Variants in SHISA9 observed in about 807,000 individuals in gnomAD.
The protein encoded by SHISA9 is protein shisa-9.
SHISA9 carries 13 observed loss-of-function variants against 38.0 expected under a neutral mutation model. The ratio of observed to expected loss-of-function variants is 0.34; its 90% confidence interval spans 0.22 to 0.54. The LOEUF (loss-of-function observed/expected upper bound fraction) is 0.54, where lower values mean the gene tolerates loss of function less well. Ranked by LOEUF, SHISA9 falls within the 20% of genes least tolerant of loss-of-function variation. SHISA9 has a pLI of 0.91. For missense variants in SHISA9, 538 were observed against 575.8 expected, an observed-to-expected ratio of 0.93 and a Z score of 0.67; for synonymous variants, 275 against 242.0, an observed-to-expected ratio of 1.14 and a Z score of -1.27.
intron 2 of SHISA9, among the ~76,000 whole-genome samples, chr16:13,179,542 C>T (rs781261030): frequency 6.6e-6 from 1 of 152,168 alleles, no homozygotes; most frequent in South Asian, 2.1e-4. Context: ...AGGACTCACA[C>T]CTAAGAAAAT....
intron 2 of SHISA9, among the ~76,000 whole-genome samples, chr16:12,939,240 C>T (rs948585181): frequency 6.6e-6 from 1 of 152,014 alleles, no homozygotes; most frequent in Non-Finnish European, 1.5e-5. Flanking sequence ...CTCACCACCA[C>T]GCCTGGCTAA....
chr16:13,492,939 G>T, the SHISA9 span, among the ~76,000 whole-genome samples: 7 of 152,330 alleles, frequency 4.6e-5, no homozygotes, highest in African/African-American at 1.7e-4. Flanking sequence ...TCTGTGGCTA[G>T]AGAGAAGTGG....
intron 2 of SHISA9, among the ~76,000 whole-genome samples, chr16:12,989,282 A>C (rs1411548133): frequency 6.6e-6 from 1 of 151,890 alleles, no homozygotes; most frequent in East Asian, 1.9e-4. Flanking sequence ...GGTTCAAGTG[A>C]TTCTCCTGCC....
chr16:13,249,140 G>A, the SHISA9 span, among the ~76,000 whole-genome samples: 2 of 152,196 alleles, frequency 1.3e-5, no homozygotes, highest in African/African-American at 4.8e-5. Context: ...GGACATCTAG[G>A]TGAAGCACCA....
chr16:13,467,443 G>A, the SHISA9 span, among the ~76,000 whole-genome samples: 1 of 152,200 alleles, frequency 6.6e-6, no homozygotes, highest in Non-Finnish European at 1.5e-5. Flanking sequence ...TTTAGACTCA[G>A]ACTGGGGACT....
chr16:13,187,575 T>A (rs1596713410), intron 2 of SHISA9, among the ~76,000 whole-genome samples: 1 of 152,176 alleles, frequency 6.6e-6, no homozygotes, highest in East Asian at 1.9e-4. Context: ...TGTCTAGTGA[T>A]CCACCCACCC....
chr16:13,282,378 A>G, the SHISA9 span, among the ~76,000 whole-genome samples: 3 of 151,788 alleles, frequency 2.0e-5, no homozygotes, highest in Non-Finnish European at 4.4e-5. Flanking sequence ...TATTTTTTAC[A>G]TTTGTTCTCT....
chr16:13,114,327 G>T (rs1174203908), intron 2 of SHISA9, among the ~76,000 whole-genome samples: 7 of 151,798 alleles, frequency 4.6e-5, no homozygotes, highest in Non-Finnish European at 1.0e-4. Flanking sequence ...TTAGCTGGGT[G>T]TGGTGGCGGG....
rs971601129 is a variant in SHISA9, at chr16:13,072,665, C to T, written c.692-130729C>T. Among the ~76,000 whole-genome samples the T allele has an allele frequency of 6.9e-4, 100 of 145,836 alleles. 1 individual carries two copies. In the East Asian group the frequency reaches 0.017, roughly 24 times the overall value. On this transcript the variant is annotated intron_variant, in intron 2 of 4. Transcript: ENST00000558583. ...TTATTTTATTTTAAAAAAGTAAAAT[C>T]TTTTTTTTTTTTTGAGACGGAGTCT...
At chr16:13,479,930 G>A in the SHISA9 span, among the ~76,000 whole-genome samples, 3 of 152,202 alleles carry the variant, frequency 2.0e-5, no homozygotes, top group South Asian at 2.1e-4. Context: ...GTTAAGACAA[G>A]ATGGCTTAGG....
At chr16:13,484,908 G>C in the SHISA9 span, among the ~76,000 whole-genome samples, 2 of 152,140 alleles carry the variant, frequency 1.3e-5, no homozygotes, top group African/African-American at 2.4e-5. Flanking sequence ...CTCCAACACT[G>C]GGGCCTATAA....
chr16:13,485,843 A>G, the SHISA9 span, among the ~76,000 whole-genome samples: 2 of 152,214 alleles, frequency 1.3e-5, no homozygotes, highest in East Asian at 1.9e-4. Flanking sequence ...CTCTATCTCT[A>G]TGAGATCCAC....
the SHISA9 span, among the ~76,000 whole-genome samples, chr16:13,524,359 C>A: frequency 6.6e-6 from 1 of 152,156 alleles, no homozygotes; most frequent in African/African-American, 2.4e-5. Context: ...AAGATGTTTG[C>A]CCACTGGCCA....
chr16:13,167,065 CTTT>C (rs1029913159), intron 2 of SHISA9, among the ~76,000 whole-genome samples: 1 of 142,662 alleles, frequency 7.0e-6, no homozygotes, highest in South Asian at 2.2e-4. Context: ...CTCTCTCTCT[CTTT>C]TTTCTTTTTT....
At chr16:13,558,693 A>T in the SHISA9 span, among the ~76,000 whole-genome samples, 4 of 152,212 alleles carry the variant, frequency 2.6e-5, no homozygotes, top group Admixed American at 1.3e-4. Context: ...GCACTTCCAC[A>T]CTTTATTTGG....
chr16:13,454,606 C>CA, the SHISA9 span, among the ~76,000 whole-genome samples: 4 of 152,128 alleles, frequency 2.6e-5, no homozygotes, highest in African/African-American at 9.7e-5. Context: ...CAGATAGTGA[C>CA]AAAATGGCGA....
chr16:13,248,188 G>A, the SHISA9 span, among the ~76,000 whole-genome samples: 4 of 152,140 alleles, frequency 2.6e-5, no homozygotes, highest in African/African-American at 4.8e-5. Flanking sequence ...TCTTTTTCAC[G>A]TGGAGTCAAC....
chr16:13,120,800 G>A (rs2050202412), intron 2 of SHISA9, among the ~76,000 whole-genome samples: 1 of 152,160 alleles, frequency 6.6e-6, no homozygotes, highest in Non-Finnish European at 1.5e-5. Context: ...GCTTTTCTGT[G>A]CCTTTTAAAT....
chr16:13,350,719 C>T, the SHISA9 span: 10 of 152,146 alleles, frequency 6.6e-5, no homozygotes. Context: ...CAAGATGACC[C>T]TAAGCTGCTT....
Sources: allele counts gnomAD v4.1 joint callset (sites outside exome capture counted in the v4.1 genomes callset), GRCh38; gene constraint gnomAD v4.1.1; transcripts MANE v1.5; gene names NCBI Gene and HGNC (gene_info 2026-07-23, HGNC 2026-07-21).